Variants in ITPRID1 observed in about 807,000 individuals in gnomAD.
The protein encoded by ITPRID1 is ITPR interacting domain containing 1.
ITPRID1 carries 96 observed loss-of-function variants against 95.4 expected under a neutral mutation model. That is an observed-to-expected ratio of 1.01 (90% confidence interval 0.85 to 1.19). The LOEUF is 1.19. Ranked by LOEUF, ITPRID1 falls within the 50% of genes most tolerant of loss-of-function variation. ITPRID1 has a pLI of 0.00. For synonymous variants in ITPRID1, 510 were observed against 453.6 expected (o/e 1.12, Z -1.58); for missense variants, 1,339 against 1,252.9 (o/e 1.07, Z -1.04).
At chr7:31,651,098 G>A (rs1343253461) in intron 12 of ITPRID1, 44 bp from the exon 13 acceptor site, 3 of 1,596,678 alleles carry the variant, frequency 1.9e-6, no homozygotes, top group East Asian at 4.5e-5. Context: ...TCTTGCAGAG[G>A]ATCAGAGAGG....
At chr7:31,540,113 T>G (rs542290432) in intron 1 of ITPRID1, among the ~76,000 whole-genome samples, 1 of 152,284 alleles carries the variant, frequency 6.6e-6, no homozygotes, top group Middle Eastern at 3.4e-3. Context: ...GTGTGTTCTT[T>G]CTAGCTACTT....
intron 5 of ITPRID1, among the ~76,000 whole-genome samples, chr7:31,559,541 C>T (rs550002227): frequency 2.6e-5 from 4 of 151,978 alleles, no homozygotes; most frequent in Admixed American, 1.3e-4. Context: ...GGTGCACACC[C>T]GTAGTCCCAG....
chr7:31,607,819 T>C (rs1217577806), intron 10 of ITPRID1, among the ~76,000 whole-genome samples: 1 of 152,124 alleles, frequency 6.6e-6, no homozygotes, highest in African/African-American at 2.4e-5. Context: ...TCTTCATTTC[T>C]TTATTTTTTA....
intron 10 of ITPRID1, among the ~76,000 whole-genome samples, chr7:31,599,174 A>T (rs990199390): frequency 1.2e-4 from 19 of 152,234 alleles, no homozygotes; most frequent in Non-Finnish European, 2.2e-4. Flanking sequence ...CAATCAAATC[A>T]ATAAGAAAAT....
Position 31,616,032 on chromosome 7 carries a change from C to A in ITPRID1, c.1229-26144C>A, listed in dbSNP as rs143620784. Among the ~76,000 whole-genome samples, 3 of 152,088 alleles carry A rather than the reference C, an allele frequency of 2.0e-5. No individual in the cohort carries two copies. In the East Asian group the frequency reaches 5.8e-4, roughly 29 times the overall value. ...TGCTGGGATTACAGGTGTGAGCCACCGCACCCAGCCGAGTTTACTGAGAAT... is the reference window on the plus strand; with the variant it reads ...TGCTGGGATTACAGGTGTGAGCCACAGCACCCAGCCGAGTTTACTGAGAAT... On this transcript the variant is annotated intron_variant, in intron 10 of 14. Coordinates refer to ENST00000615280, the MANE Select transcript of ITPRID1 (RefSeq NM_001257967.3).
chr7:31,540,260 G>A (rs1482805727), intron 1 of ITPRID1, among the ~76,000 whole-genome samples: 7 of 152,126 alleles, frequency 4.6e-5, no homozygotes, highest in Admixed American at 3.9e-4. Flanking sequence ...ACGTGGGGGT[G>A]AAGGGTTCCA....
intron 10 of ITPRID1, among the ~76,000 whole-genome samples, chr7:31,625,735 C>T (rs1013172009): frequency 4.0e-5 from 6 of 151,698 alleles, no homozygotes; most frequent in Non-Finnish European, 8.8e-5. Context: ...ACCTAACCTG[C>T]ACATTGTGCA....
chr7:31,533,052 T>A (rs957636206), intron 1 of ITPRID1, among the ~76,000 whole-genome samples: 2 of 152,186 alleles, frequency 1.3e-5, no homozygotes. Context: ...TTTCTTTTTT[T>A]ATGTTCAGAA....
intron 5 of ITPRID1, among the ~76,000 whole-genome samples, chr7:31,563,970 T>C (rs1784709664): frequency 6.6e-6 from 1 of 152,204 alleles, no homozygotes; most frequent in African/African-American, 2.4e-5. Flanking sequence ...GTCCCAGTCA[T>C]GCAGGAGTTA....
intron 10 of ITPRID1, among the ~76,000 whole-genome samples, chr7:31,596,967 T>C (rs1786115330): frequency 6.6e-6 from 1 of 151,950 alleles, no homozygotes; most frequent in Non-Finnish European, 1.5e-5. Context: ...AATTTGAGGA[T>C]GGATCAACAT....
intron 1 of ITPRID1, among the ~76,000 whole-genome samples, chr7:31,541,511 T>C (rs1378038807): frequency 6.6e-6 from 1 of 152,186 alleles, no homozygotes; most frequent in Non-Finnish European, 1.5e-5. Context: ...ATCTGGTACC[T>C]TTGCGGCACA....
chr7:31,624,365 C>G (rs1253302804), intron 10 of ITPRID1, among the ~76,000 whole-genome samples: 2 of 147,108 alleles, frequency 1.4e-5, no homozygotes, highest in Non-Finnish European at 3.0e-5. Flanking sequence ...TACCTGACTT[C>G]AAACTATACT....
At chr7:31,534,593 T>A (rs1783701704) in intron 1 of ITPRID1, among the ~76,000 whole-genome samples, 1 of 152,178 alleles carries the variant, frequency 6.6e-6, no homozygotes, top group Non-Finnish European at 1.5e-5. Flanking sequence ...TCATGCTTGG[T>A]GTTTGGATGT....
chr7:31,532,443 G>C (rs1349827804), intron 1 of ITPRID1, among the ~76,000 whole-genome samples: 1 of 152,186 alleles, frequency 6.6e-6, no homozygotes, highest in Admixed American at 6.6e-5. Flanking sequence ...ATTTGAGGAG[G>C]AAGTGCTCAG....
chr7:31,628,461 C>CTT (rs371083058), intron 10 of ITPRID1, among the ~76,000 whole-genome samples: 4 of 140,434 alleles, frequency 2.8e-5, no homozygotes, highest in African/African-American at 1.1e-4. Context: ...TTTTTTTTTT[C>CTT]TTTTTTTTTC....
At chr7:31,518,249 A>T (rs967727723) in intron 1 of ITPRID1, 2 of 152,262 alleles carry the variant, frequency 1.3e-5, no homozygotes, top group African/African-American at 4.8e-5. Flanking sequence ...TTTCCTTTAG[A>T]GCTTCCAGGA....
chr7:31,641,169 G>A (rs772374062), intron 10 of ITPRID1, among the ~76,000 whole-genome samples: 1 of 152,172 alleles, frequency 6.6e-6, no homozygotes, highest in Non-Finnish European at 1.5e-5. Flanking sequence ...GTGAGGTCCA[G>A]CAGAGATCTA....
intron 5 of ITPRID1, among the ~76,000 whole-genome samples, chr7:31,563,731 G>A (rs975586913): frequency 1.3e-5 from 2 of 151,996 alleles, no homozygotes; most frequent in Non-Finnish European, 2.9e-5. Flanking sequence ...ATGAACTCAG[G>A]CTTGAGGTGA....
intron 10 of ITPRID1, among the ~76,000 whole-genome samples, chr7:31,589,484 C>T (rs1431650495): frequency 6.6e-6 from 1 of 151,956 alleles, no homozygotes; most frequent in Admixed American, 6.6e-5. Flanking sequence ...ATTCAAGAAG[C>T]CAGCAAACTC....
Sources: allele counts gnomAD v4.1 joint callset (sites outside exome capture counted in the v4.1 genomes callset), GRCh38; gene constraint gnomAD v4.1.1; transcripts MANE v1.5; gene names NCBI Gene and HGNC (gene_info 2026-07-23, HGNC 2026-07-21).